Variants in FILIP1L observed in about 807,000 individuals in gnomAD.
The protein encoded by FILIP1L is filamin A interacting protein 1 like.
A neutral mutation model predicts 96.6 loss-of-function variants in FILIP1L; 55 were observed. The ratio of observed to expected loss-of-function variants is 0.57; its 90% CI spans 0.46 to 0.71. The LOEUF (loss-of-function observed/expected upper bound fraction) is 0.71. FILIP1L is among the 30% of genes least tolerant of loss of function. The pLI is 0.00. For missense variants in FILIP1L, 1,304 were observed against 1,321.2 expected (o/e 0.99, Z 0.20); for synonymous variants, 467 against 473.9 (o/e 0.99, Z 0.19).
chr3:99,880,549 G>A (rs948052273), intron 4 of FILIP1L, among the ~76,000 whole-genome samples: 3 of 152,114 alleles, frequency 2.0e-5, no homozygotes, highest in African/African-American at 7.2e-5. Context: ...AGTGACATAT[G>A]TACCTTGAGA....
intron 1 of FILIP1L, among the ~76,000 whole-genome samples, chr3:100,038,278 A>G (rs1390562125): frequency 1.3e-5 from 2 of 152,204 alleles, no homozygotes; most frequent in African/African-American, 2.4e-5. Flanking sequence ...TCATTAAAAT[A>G]TAACTCTTAC....
intron 4 of FILIP1L, among the ~76,000 whole-genome samples, chr3:99,909,692 A>G (rs1706731522): frequency 6.6e-6 from 1 of 152,244 alleles, no homozygotes; most frequent in Non-Finnish European, 1.5e-5. Context: ...AAAAAAGTCC[A>G]TCACACTGCT....
intron 1 of FILIP1L, among the ~76,000 whole-genome samples, chr3:99,954,782 C>A (rs1708272391): frequency 1.3e-5 from 2 of 151,560 alleles, no homozygotes; most frequent in East Asian, 3.9e-4. Context: ...GCTGAGATCA[C>A]ACCACTGCAC....
intron 1 of FILIP1L, among the ~76,000 whole-genome samples, chr3:100,108,870 A>T (rs1302847195): frequency 6.6e-6 from 1 of 152,090 alleles, no homozygotes; most frequent in Non-Finnish European, 1.5e-5. Context: ...CTATCTGAAT[A>T]CTAAAATCAG....
intron 4 of FILIP1L, among the ~76,000 whole-genome samples, chr3:99,921,516 A>G (rs910623289): frequency 6.6e-6 from 1 of 152,196 alleles, no homozygotes; most frequent in Non-Finnish European, 1.5e-5. Context: ...ATATGCATCA[A>G]GGGAGTTGAG....
intron 4 of FILIP1L, among the ~76,000 whole-genome samples, chr3:99,894,053 G>A (rs1358422003): frequency 6.6e-6 from 1 of 152,124 alleles, no homozygotes; most frequent in African/African-American, 2.4e-5. Flanking sequence ...GCATATAATA[G>A]CTTCAGTAAA....
intron 1 of FILIP1L, among the ~76,000 whole-genome samples, chr3:99,983,407 T>A (rs1242191631): frequency 2.7e-5 from 3 of 109,628 alleles, no homozygotes; most frequent in African/African-American, 1.1e-4. Context: ...TATATATATA[T>A]ATATATATAT....
intron 1 of FILIP1L, among the ~76,000 whole-genome samples, chr3:100,038,428 C>A (rs1215743800): frequency 6.6e-6 from 1 of 152,046 alleles, no homozygotes; most frequent in African/African-American, 2.4e-5. Flanking sequence ...TCTTTTTTCA[C>A]CATTTTTTTG....
chr3:99,946,314 T>C (rs539521832), intron 1 of FILIP1L, among the ~76,000 whole-genome samples: 1 of 152,354 alleles, frequency 6.6e-6, no homozygotes, highest in Admixed American at 6.5e-5. Flanking sequence ...ACTCAGTCAA[T>C]GAATAGAAAA....
At chr3:99,901,386 A>T (rs541545752) in intron 4 of FILIP1L, among the ~76,000 whole-genome samples, 1 of 152,344 alleles carries the variant, frequency 6.6e-6, no homozygotes, top group South Asian at 2.1e-4. Context: ...AAATGTAGTG[A>T]CAAGCGATGA....
intron 4 of FILIP1L, among the ~76,000 whole-genome samples, chr3:99,892,819 T>G (rs1706127893): frequency 6.6e-6 from 1 of 152,240 alleles, no homozygotes; most frequent in Admixed American, 6.5e-5. Flanking sequence ...TCAATCAGAT[T>G]TTATCCTTGA....
chr3:99,936,050 A>C (rs1217228458), intron 1 of FILIP1L, among the ~76,000 whole-genome samples: 1 of 152,134 alleles, frequency 6.6e-6, no homozygotes, highest in Non-Finnish European at 1.5e-5. Flanking sequence ...ATTACTCTAC[A>C]TAGTTAGGTG....
intron 4 of FILIP1L, among the ~76,000 whole-genome samples, chr3:99,899,311 C>T (rs1388104306): frequency 6.6e-6 from 1 of 152,148 alleles, no homozygotes; most frequent in Non-Finnish European, 1.5e-5. Context: ...CAAGTTATTA[C>T]ACTTTATGGG....
intron 3 of FILIP1L, among the ~76,000 whole-genome samples, chr3:99,928,902 G>A (rs1707381871): frequency 1.3e-5 from 2 of 152,304 alleles, no homozygotes; most frequent in East Asian, 3.9e-4. Flanking sequence ...TCACCCCGTA[G>A]AGAAGCAGAT....
rs6762731 is a variant in FILIP1L at position 100,067,548 on chromosome 3, T to G, written c.-11+46505A>C. 4.6e-3 allele frequency among the ~76,000 whole-genome samples: 704 copies of G among 152,332 alleles called. 5 individuals are homozygous for G. Among genetic ancestry groups the G allele is most frequent in the African/African-American group, 0.016 (671 of 41,560 alleles). On this transcript the variant is annotated intron_variant, in intron 1 of 5. Transcript: ENST00000477258. ...TCATCTAAAATGCTGTCAAATCATC[T>G]GAATTTTGCAGATTTGATTCAGATA...
At chr3:99,840,370 C>G (rs1212665538) in intron 5 of FILIP1L, among the ~76,000 whole-genome samples, 1 of 151,730 alleles carries the variant, frequency 6.6e-6, no homozygotes, top group Non-Finnish European at 1.5e-5. Flanking sequence ...ATTACAGGTG[C>G]CCACCACCAT....
chr3:99,837,424 G>C (rs962983471), intron 5 of FILIP1L, among the ~76,000 whole-genome samples: 1 of 149,548 alleles, frequency 6.7e-6, no homozygotes, highest in Non-Finnish European at 1.5e-5. Flanking sequence ...GCTTTTTCTA[G>C]TTAAAGAGAA....
At chr3:99,988,774 A>T (rs1709428876) in intron 1 of FILIP1L, among the ~76,000 whole-genome samples, 1 of 152,220 alleles carries the variant, frequency 6.6e-6, no homozygotes, top group Admixed American at 6.5e-5. Context: ...ATAGTATAAT[A>T]ACACTTAAAC....
At chr3:100,069,150 T>C (rs2065719029) in intron 1 of FILIP1L, among the ~76,000 whole-genome samples, 1 of 152,118 alleles carries the variant, frequency 6.6e-6, no homozygotes. Context: ...CTCCTACTCC[T>C]TTAAGGTCAG....
Sources: gnomAD v4.1 joint callset for allele counts (sites outside exome capture counted in the v4.1 genomes callset) on GRCh38, gnomAD v4.1.1 for gene constraint, MANE v1.5 for transcripts, NCBI Gene and HGNC (gene_info 2026-07-23, HGNC 2026-07-21) for gene names.